The following CNTN5 variants were observed in gnomAD, a reference collection of about 807,000 sequenced individuals.
CNTN5 encodes contactin-5.
A neutral mutation model predicts 129.1 loss-of-function variants in CNTN5; 77 were observed. The observed-to-expected ratio is 0.60, with a 90% CI of 0.50 to 0.72. The LOEUF is 0.72. Ranked by LOEUF, CNTN5 falls within the 30% of genes least tolerant of loss-of-function variation. The pLI is 0.00. For synonymous variants in CNTN5, 509 were observed against 465.6 expected, an observed-to-expected ratio of 1.09 and a Z score of -1.20; for missense variants, 1,478 against 1,328.8, an observed-to-expected ratio of 1.11 and a Z score of -1.75.
chr11:100,032,747 CA>C (rs1200764477), intron 9 of CNTN5, among the ~76,000 whole-genome samples: 1 of 151,718 alleles, frequency 6.6e-6, no homozygotes, highest in Non-Finnish European at 1.5e-5. Context: ...GTAACTTTGC[CA>C]AAAAGGAATT....
intron 1 of CNTN5, among the ~76,000 whole-genome samples, chr11:99,318,882 A>G (rs901589373): frequency 6.6e-5 from 10 of 152,238 alleles, no homozygotes; most frequent in Non-Finnish European, 8.8e-5. Flanking sequence ...TAAAAGTTAA[A>G]GTTTTAAATA....
chr11:99,825,554 A>T (rs1429239577), intron 4 of CNTN5, among the ~76,000 whole-genome samples: 1 of 152,004 alleles, frequency 6.6e-6, no homozygotes, highest in East Asian at 1.9e-4. Flanking sequence ...CACTTTTTGG[A>T]TGAAGCATAT....
chr11:99,527,486 C>G (rs889482389), intron 2 of CNTN5, among the ~76,000 whole-genome samples: 2 of 152,006 alleles, frequency 1.3e-5, no homozygotes, highest in African/African-American at 4.8e-5. Flanking sequence ...ACAAAATTAA[C>G]TATGCAAAAG....
chr11:100,138,834 T>C (rs1319018172), intron 13 of CNTN5, among the ~76,000 whole-genome samples: 1 of 152,122 alleles, frequency 6.6e-6, no homozygotes, highest in African/African-American at 2.4e-5. Context: ...AAGGACAGGT[T>C]AGAATGCTAT....
chr11:99,805,865 T>A (rs1429305658), intron 3 of CNTN5, among the ~76,000 whole-genome samples: 2 of 152,214 alleles, frequency 1.3e-5, no homozygotes, highest in Admixed American at 1.3e-4. Context: ...AAAGCCAGAA[T>A]TTTTTGCATT....
intron 6 of CNTN5, among the ~76,000 whole-genome samples, chr11:99,915,459 T>C (rs1051126799): frequency 6.6e-6 from 1 of 152,104 alleles, no homozygotes; most frequent in African/African-American, 2.4e-5. Context: ...CTAATCAAAA[T>C]GGATGAGAGT....
chr11:100,303,356 A>AT (rs1166828550), intron 20 of CNTN5, among the ~76,000 whole-genome samples: 1 of 151,482 alleles, frequency 6.6e-6, no homozygotes, highest in Non-Finnish European at 1.5e-5. Flanking sequence ...GATAAAAATT[A>AT]ATTTTTTTCC....
intron 2 of CNTN5, among the ~76,000 whole-genome samples, chr11:99,487,080 C>A (rs1455485915): frequency 6.6e-6 from 1 of 152,082 alleles, no homozygotes; most frequent in Non-Finnish European, 1.5e-5. Context: ...TAGATGTTGG[C>A]AGAGAGAAGG....
chr11:99,993,427 C>T (rs954519386), intron 8 of CNTN5, among the ~76,000 whole-genome samples: 7 of 152,030 alleles, frequency 4.6e-5, no homozygotes, highest in African/African-American at 9.7e-5. Context: ...GTGGGTGGTT[C>T]CCAACCATTT....
intron 13 of CNTN5, among the ~76,000 whole-genome samples, chr11:100,103,466 T>G (rs1945296912): frequency 6.6e-6 from 1 of 152,198 alleles, no homozygotes. Context: ...ACATTTTTCT[T>G]GTTAAAACCA....
At chr11:99,658,127 CAA>C (rs1009002454) in intron 3 of CNTN5, among the ~76,000 whole-genome samples, 6 of 151,962 alleles carry the variant, frequency 3.9e-5, no homozygotes, top group East Asian at 1.9e-4. Flanking sequence ...CATTCTAAAA[CAA>C]GAGTGTGCAA....
chr11:99,400,312 G>A (rs1328599978), intron 2 of CNTN5, among the ~76,000 whole-genome samples: 1 of 152,036 alleles, frequency 6.6e-6, no homozygotes, highest in Non-Finnish European at 1.5e-5. Flanking sequence ...TTAACATAAT[G>A]AACTCCAGTT....
intron 1 of CNTN5, among the ~76,000 whole-genome samples, chr11:99,057,444 A>G (rs1864667346): frequency 6.6e-6 from 1 of 151,838 alleles, no homozygotes; most frequent in African/African-American, 2.4e-5. Context: ...GTTTTTAACA[A>G]CACTAGGACA....
At chr11:100,032,077 A>G (rs1941741809) in intron 9 of CNTN5, among the ~76,000 whole-genome samples, 2 of 152,140 alleles carry the variant, frequency 1.3e-5, no homozygotes, top group Non-Finnish European at 2.9e-5. Flanking sequence ...GTTCTAATGC[A>G]CCTAACCATA....
chr11:99,722,514 A>G (rs915540489), intron 3 of CNTN5, among the ~76,000 whole-genome samples: 6 of 152,094 alleles, frequency 3.9e-5, no homozygotes, highest in African/African-American at 1.2e-4. Context: ...AGCAGAAAAC[A>G]TAACTACTGG....
chr11:99,719,211 C>T (rs1407164454), intron 3 of CNTN5, among the ~76,000 whole-genome samples: 2 of 151,836 alleles, frequency 1.3e-5, no homozygotes, highest in East Asian at 3.9e-4. Flanking sequence ...CCCAGCTACT[C>T]AGGAGGCTGA....
chr11:99,310,954 C>T (rs779161118), intron 1 of CNTN5, among the ~76,000 whole-genome samples: 1 of 150,936 alleles, frequency 6.6e-6, no homozygotes, highest in Non-Finnish European at 1.5e-5. Flanking sequence ...TTTTTTGAGA[C>T]GGAGTCTCGC....
At chr11:99,849,846 A>G (rs180863728) in intron 6 of CNTN5, among the ~76,000 whole-genome samples, 36 of 152,208 alleles carry the variant, frequency 2.4e-4, no homozygotes, top group African/African-American at 7.7e-4. Context: ...ATAGTACTCA[A>G]TCTTTCCCTA....
intron 3 of CNTN5, among the ~76,000 whole-genome samples, chr11:99,610,059 C>T (rs1950549082): frequency 6.6e-6 from 1 of 152,086 alleles, no homozygotes; most frequent in African/African-American, 2.4e-5. Context: ...GATTCAGGTA[C>T]TTGTTCAATG....
Sources: allele counts gnomAD v4.1 joint callset (sites outside exome capture counted in the v4.1 genomes callset), GRCh38; gene constraint gnomAD v4.1.1; transcripts MANE v1.5; gene names NCBI Gene and HGNC (gene_info 2026-07-23, HGNC 2026-07-21).